PDE10A: variants seen among roughly 807,000 people sequenced by gnomAD.
PDE10A encodes cAMP and cAMP-inhibited cGMP 3',5'-cyclic phosphodiesterase 10A.
Under a neutral mutation model 97.7 loss-of-function variants are expected in PDE10A, and 39 were observed. The observed-to-expected ratio is 0.40, with a 90% CI of 0.31 to 0.52. The LOEUF (loss-of-function observed/expected upper bound fraction) is 0.52, where lower values mean the gene tolerates loss of function less well. Among genes scored for constraint, PDE10A ranks in the 20% least tolerant of loss-of-function variants. The pLI, the probability that PDE10A is intolerant of heterozygous loss-of-function variation, is 0.56. For synonymous variants in PDE10A, 371 were observed against 376.8 expected, an observed-to-expected ratio of 0.98 and a Z score of 0.18; for missense variants, 731 against 1,047.8, an observed-to-expected ratio of 0.70 and a Z score of 4.17.
chr6:165,810,055 C>A (rs1205815683), intron 1 of PDE10A, among the ~76,000 whole-genome samples: 2 of 152,160 alleles, frequency 1.3e-5, no homozygotes, highest in East Asian at 3.9e-4. Context: ...CCAGGGGTAT[C>A]CATCACCACC....
chr6:165,710,881 A>T (rs907382110), intron 1 of PDE10A, among the ~76,000 whole-genome samples: 4 of 152,230 alleles, frequency 2.6e-5, no homozygotes, highest in African/African-American at 9.6e-5. Context: ...GATCAAAAAT[A>T]CCCATGTCTT....
At chr6:165,368,202 G>C (rs768211610) in intron 18 of PDE10A, among the ~76,000 whole-genome samples, 3 of 152,136 alleles carry the variant, frequency 2.0e-5, no homozygotes, top group Non-Finnish European at 4.4e-5. Context: ...CCCCATGTTG[G>C]CTAGGCTGGC....
At chr6:165,987,318 T>C (rs1276098837) in intron 1 of PDE10A, among the ~76,000 whole-genome samples, 1 of 152,128 alleles carries the variant, frequency 6.6e-6, no homozygotes, top group African/African-American at 2.4e-5. Context: ...CTTTTCTTCT[T>C]TCTCGAGTCC....
chr6:165,514,120 T>C (rs1335309415), intron 2 of PDE10A, among the ~76,000 whole-genome samples: 4 of 152,242 alleles, frequency 2.6e-5, no homozygotes, highest in Admixed American at 1.3e-4. Flanking sequence ...AAACCAACTT[T>C]GTATTTCTGA....
At chr6:165,967,947 C>T (rs1264306990) in intron 1 of PDE10A, among the ~76,000 whole-genome samples, 2 of 152,214 alleles carry the variant, frequency 1.3e-5, no homozygotes, top group African/African-American at 4.8e-5. Context: ...AGACATCACA[C>T]CTCTGTTAAT....
intron 1 of PDE10A, among the ~76,000 whole-genome samples, chr6:165,626,518 G>A (rs1295517017): frequency 7.9e-5 from 12 of 152,174 alleles, no homozygotes. Context: ...AAAGAGAGAA[G>A]ATGTTTGGAA....
At chr6:165,353,805 AT>A (rs1782853363) in intron 18 of PDE10A, among the ~76,000 whole-genome samples, 1 of 152,176 alleles carries the variant, frequency 6.6e-6, no homozygotes, top group African/African-American at 2.4e-5. Context: ...AAAATGGTGG[AT>A]ACGTTTGTCC....
intron 18 of PDE10A, among the ~76,000 whole-genome samples, chr6:165,361,088 C>G (rs1457862868): frequency 6.6e-6 from 1 of 152,198 alleles, no homozygotes; most frequent in Non-Finnish European, 1.5e-5. Context: ...ATAACTATCT[C>G]TATTTGAAGA....
chr6:165,942,074 A>G (rs959810727), intron 1 of PDE10A, among the ~76,000 whole-genome samples: 10 of 152,140 alleles, frequency 6.6e-5, no homozygotes, highest in Admixed American at 5.2e-4. Flanking sequence ...CCCCTCAGGC[A>G]TGATTGGCAA....
intron 21 of PDE10A, 74 bp downstream of exon 21, chr6:165,336,049 G>C: frequency 9.0e-7 from 1 of 1,111,084 alleles, no homozygotes; most frequent in Admixed American, 1.8e-5. Context: ...ACACACTAGT[G>C]GGGTACAAAA....
At chr6:165,588,281 CTTT>C (rs1216263426) in intron 1 of PDE10A, among the ~76,000 whole-genome samples, 3 of 37,034 alleles carry the variant, frequency 8.1e-5, no homozygotes, top group Admixed American at 7.7e-4. Context: ...ATTTTTTTTT[CTTT>C]TTTTTTTTTT....
chr6:165,702,706 T>A (rs754711080), intron 1 of PDE10A, among the ~76,000 whole-genome samples: 4 of 152,176 alleles, frequency 2.6e-5, no homozygotes, highest in Non-Finnish European at 4.4e-5. Context: ...ACTCACTCCA[T>A]GTGCCTGGCT....
At chr6:165,663,363 C>T (rs917415740), upstream of PDE10A, among the ~76,000 whole-genome samples, 8 of 152,100 alleles carry the variant, frequency 5.3e-5, no homozygotes, top group South Asian at 2.1e-4. Flanking sequence ...CTGTGCGCCG[C>T]CTGCACCCGG....
At chr6:165,749,218 CATCAT>C (rs1562717166) in intron 1 of PDE10A, among the ~76,000 whole-genome samples, 14 of 133,158 alleles carry the variant, frequency 1.1e-4, no homozygotes, top group Non-Finnish European at 2.3e-4. Context: ...TCACCATCAC[CATCAT>C]ATCACCATCA....
At chr6:165,591,747 A>G (rs1021889395) in intron 1 of PDE10A, among the ~76,000 whole-genome samples, 2 of 152,236 alleles carry the variant, frequency 1.3e-5, no homozygotes, top group African/African-American at 4.8e-5. Flanking sequence ...AATATAAATT[A>G]AGGATATAAT....
At position 165,406,228 on chromosome 6, in the gene PDE10A, A is replaced by ATATGTG. The variant is rs140845501; in HGVS notation, c.2076+7272_2076+7273insCACATA. 2.6e-4 allele frequency among the ~76,000 whole-genome samples: 37 copies of ATATGTG among 140,424 alleles called. 1 individual carries two copies. The highest frequency in any genetic ancestry group is 1.0e-3 in the African/African-American group (37 of 37,086). The allele number at this position is 140,424 out of a possible 152,430, so 92.1% of individuals were successfully genotyped here. On this transcript the variant is annotated intron_variant, in intron 13 of 21. Transcript: ENST00000539869. ...TTCAAATTCAAGATGAGGGAAAAGG[A>ATATGTG]TGTGTGTGTGTGTGTGTGTGTGTGT...
intron 1 of PDE10A, among the ~76,000 whole-genome samples, chr6:165,837,659 GTTTTTTTTTTTT>G (rs386409265): frequency 1.2e-5 from 1 of 83,488 alleles, no homozygotes; most frequent in Admixed American, 1.5e-4. Flanking sequence ...ATCTCTCCTG[GTTTTTTTTTTTT>G]TTTTTTTTTT....
intron 1 of PDE10A, among the ~76,000 whole-genome samples, chr6:165,589,203 C>T (rs1786100809): frequency 6.6e-6 from 1 of 152,284 alleles, no homozygotes; most frequent in Non-Finnish European, 1.5e-5. Context: ...ATTCTGTTTA[C>T]AAGCAAGGTA....
rs151198368 is a variant in PDE10A, at chr6:165,562,657, C to T, written c.866-19089G>A. ...GACACTGCACTGCTCCACTACTGCCCTGTACTGACCATGTTATAGTAGGTT... is the reference window on the plus strand; with the variant it reads ...GACACTGCACTGCTCCACTACTGCCTTGTACTGACCATGTTATAGTAGGTT... On this transcript the variant is annotated intron_variant, in intron 1 of 21. Coordinates refer to ENST00000539869, the MANE Select transcript of PDE10A (RefSeq NM_001385079.1). Among the ~76,000 whole-genome samples the T allele has an allele frequency of 2.6e-3, 402 of 152,308 alleles. 2 individuals are homozygous for T. The highest frequency in any genetic ancestry group is 9.2e-3 in the African/African-American group (384 of 41,562).
Sources: allele counts gnomAD v4.1 joint callset (sites outside exome capture counted in the v4.1 genomes callset), GRCh38; gene constraint gnomAD v4.1.1; transcripts MANE v1.5; gene names NCBI Gene and HGNC (gene_info 2026-07-23, HGNC 2026-07-21).